The following HEPACAM variants were observed in gnomAD, a reference collection of about 807,000 sequenced individuals.
The protein encoded by HEPACAM is hepatocyte cell adhesion molecule.
Under a neutral mutation model 38.3 loss-of-function variants are expected in HEPACAM, and 18 were observed. The ratio of observed to expected loss-of-function variants is 0.47; its 90% CI spans 0.33 to 0.70. The LOEUF (loss-of-function observed/expected upper bound fraction) is 0.70. Among genes scored for constraint, HEPACAM ranks in the 30% least tolerant of loss-of-function variants. The probability of loss-of-function intolerance (pLI) is 0.03; values close to 1 mark genes in which losing one functional copy is unlikely to be tolerated. For synonymous variants in HEPACAM, 216 were observed against 243.1 expected (o/e 0.89, Z 1.04); for missense variants, 466 against 563.0 (o/e 0.83, Z 1.74).
Position 124,920,549 on chromosome 11 carries a change from G to A in HEPACAM, c.*589C>T. The A allele has an allele frequency of 2.9e-6, 4 of 1,378,350 alleles. No individual in the cohort carries two copies. Among genetic ancestry groups the A allele is most frequent in the South Asian group, 1.4e-5 (1 of 69,710 alleles). 85.4% of individuals were successfully genotyped at this position (1,378,350 alleles called of 1,614,324 possible). ...GGTCCCCAGGTACCAGGTGCCCAGGGAAGAAGGCCTTCACAATGATCCCCC... is the reference window on the plus strand; with the variant it reads ...GGTCCCCAGGTACCAGGTGCCCAGGAAAGAAGGCCTTCACAATGATCCCCC... On this transcript the variant is annotated 3_prime_UTR_variant, in exon 7 of 7. Transcript: ENST00000298251.
At chr11:124,923,592 T>C in intron 3 of HEPACAM, 137 bp downstream of exon 3, 2 of 1,194,886 alleles carry the variant, frequency 1.7e-6, no homozygotes, top group Non-Finnish European at 2.4e-6. Flanking sequence ...GGCTACCTGT[T>C]GGTGTCCTCC....
rs1482424354 is a variant in HEPACAM, at chr11:124,919,981, A to C, written c.*1157T>G. On this transcript the variant is annotated 3_prime_UTR_variant, in exon 7 of 7. Transcript: ENST00000298251. ...GGTGGCATGGGCATGTCCTGGCTAC[A>C]CAGCGGCCCAGCCTCTTTATTTTGA... The C allele has an allele frequency of 6.2e-7, 1 of 1,613,404 alleles. No homozygotes were observed. The highest frequency in any genetic ancestry group is 8.5e-7 in the Non-Finnish European group (1 of 1,180,042).
At chr11:124,922,937 T>G in intron 4 of HEPACAM, 119 bp from the exon 5 acceptor site, 1 of 1,002,068 alleles carries the variant, frequency 1.0e-6, no homozygotes, top group Non-Finnish European at 1.6e-6. Flanking sequence ...GAAGATGGGC[T>G]GGGTACAGTT....
chr11:124,927,349 C>CT (rs201026909), intron 1 of HEPACAM, among the ~76,000 whole-genome samples: 22,241 of 143,190 alleles, frequency 0.16, 1,967 homozygotes, highest in South Asian at 0.21. Context: ...TTAACTCTGA[C>CT]TTTTTTTTTT....
Position 124,920,921 on chromosome 11 carries a change from G to C in HEPACAM, c.*217C>G. On this transcript the variant is annotated 3_prime_UTR_variant, in exon 7 of 7. Transcript: ENST00000298251. The stretch of plus-strand genomic sequence containing the variant: ...AAGTGAGGACACAGCCAGTAAACCG[G>C]AAGCAAATGCGACCCGGTTTCACCA... 1 of 1,354,990 alleles carries C rather than the reference G, an allele frequency of 7.4e-7. No homozygotes were observed. The highest frequency in any genetic ancestry group is 9.5e-7 in the Non-Finnish European group (1 of 1,056,888). The allele number at this position is 1,354,990 out of a possible 1,614,324, so 83.9% of individuals were successfully genotyped here. A position where few individuals can be genotyped will look rare whatever the true frequency, so the allele number is the denominator to read the frequency against.
intron 1 of HEPACAM, among the ~76,000 whole-genome samples, chr11:124,929,471 G>A (rs1048066896): frequency 2.6e-5 from 4 of 152,160 alleles, no homozygotes; most frequent in African/African-American, 9.7e-5. Flanking sequence ...CAACTTTCAA[G>A]GGACACAGAG....
chr11:124,921,376 G>T lies in HEPACAM; in HGVS notation c.1013C>A (p.Pro338His). ...EPRSATEPGP[P>H]GYSVSPAVPG... ...CACGGCGGGAGACACGGAGTAGCCG[G>T]GCGGGCCGGGCTCCGTCGCGCTTCG... The change falls in exon 7 of 7, where the codon CCC becomes CAC. Residue 338 changes from proline to histidine, a missense_variant. Physicochemically the swap from Pro to His is moderately conservative, Grantham distance 77. Coordinates refer to ENST00000298251, the MANE Select transcript of HEPACAM (RefSeq NM_152722.5). This position sits in a 1 kb window ranked among gnomAD's most constrained non-coding sequence, Gnocchi z 4.6. The T allele has an allele frequency of 1.6e-6, 2 of 1,272,596 alleles. No individual in the cohort carries two copies. Among genetic ancestry groups the T allele is most frequent in the Non-Finnish European group, 9.9e-7 (1 of 1,012,300 alleles). 78.8% of individuals were successfully genotyped at this position (1,272,596 alleles called of 1,614,324 possible). A position where few individuals can be genotyped will look rare whatever the true frequency, so the allele number is the denominator to read the frequency against.
chr11:124,922,803 T>G lies in HEPACAM; in HGVS notation c.819A>C (p.Leu273=). The change falls in exon 5 of 7, where the codon CTA becomes CTC. Residue 273 remains leucine (L), a synonymous_variant. Coordinates refer to ENST00000298251, the MANE Select transcript of HEPACAM (RefSeq NM_152722.5). ...WKPSKRKQKK[L]EKQNSLEYMD... is the part of the protein sequence containing the mutation. ...TGTATTCCAGGGAGTTTTGCTTTTC[T>G]AGCTTCTTCTGTTTCCTGTGAATCA... The G allele has an allele frequency of 6.2e-7, 1 of 1,614,234 alleles. No individual in the cohort carries two copies. Among genetic ancestry groups the G allele is most frequent in the Non-Finnish European group, 8.5e-7 (1 of 1,180,034 alleles).
Position 124,921,165 on chromosome 11 carries a change from C to T in HEPACAM, c.1224G>A (p.Glu408=), listed in dbSNP as rs1449578307. 6 of 1,527,866 alleles carry T rather than the reference C, an allele frequency of 3.9e-6. No individual in the cohort carries two copies. Among genetic ancestry groups the T allele is most frequent in the South Asian group, 1.2e-5 (1 of 83,374 alleles). 94.6% of individuals were successfully genotyped at this position (1,527,866 alleles called of 1,614,324 possible). The change falls in exon 7 of 7, where the codon GAG becomes GAA. Residue 408 remains glutamate, a synonymous_variant. Coordinates refer to ENST00000298251, the MANE Select transcript of HEPACAM (RefSeq NM_152722.5). The surrounding 1 kb of genome is among the most constrained non-coding windows in gnomAD (Gnocchi z 4.6). ...AGVHIIREQD[E]AGPVEISA ...AGGCGCTGATCTCCACCGGGCCGGCCTCGTCTTGCTCGCGGATTATGTGCA... is the reference window on the plus strand; with the variant it reads ...AGGCGCTGATCTCCACCGGGCCGGCTTCGTCTTGCTCGCGGATTATGTGCA...
At chr11:124,926,253 C>T (rs140677660) in intron 1 of HEPACAM, among the ~76,000 whole-genome samples, 1 of 152,136 alleles carries the variant, frequency 6.6e-6, no homozygotes, top group South Asian at 2.1e-4. Flanking sequence ...ATCAAGTTCA[C>T]AGGATTGGAA....
intron 3 of HEPACAM, 108 bp from the exon 4 acceptor site, chr11:124,923,541 G>A (rs1031364694): frequency 2.7e-6 from 3 of 1,113,840 alleles, no homozygotes; most frequent in East Asian, 4.7e-5. Flanking sequence ...CAGGCTGCAT[G>A]CCTGGCTGAT....
rs1403090048 is a variant in HEPACAM at position 124,920,280 on chromosome 11, A to C, written c.*858T>G. 2 of 1,061,980 alleles carry C rather than the reference A, an allele frequency of 1.9e-6. No individual in the cohort carries two copies. Among genetic ancestry groups the C allele is most frequent in the Admixed American group, 2.6e-5 (1 of 39,080 alleles). 65.8% of individuals were successfully genotyped at this position (1,061,980 alleles called of 1,614,324 possible). On this transcript the variant is annotated 3_prime_UTR_variant, in exon 7 of 7. Coordinates refer to ENST00000298251, the MANE Select transcript of HEPACAM (RefSeq NM_152722.5). ...AGGAATATATGAGTTTGATGAGCTA[A>C]AACAGTTCCTCATTTGGTCTAGTTT...
chr11:124,920,950 C>G lies in HEPACAM; in HGVS notation c.*188G>C. The G allele has an allele frequency of 7.3e-7, 1 of 1,366,540 alleles. No individual in the cohort carries two copies. Among genetic ancestry groups the G allele is most frequent in the Non-Finnish European group, 9.4e-7 (1 of 1,063,700 alleles). The allele number at this position is 1,366,540 out of a possible 1,614,324, so 84.7% of individuals were successfully genotyped here. A position where few individuals can be genotyped will look rare whatever the true frequency, so the allele number is the denominator to read the frequency against. Reference sequence around the variant, plus strand: ...CAAATGCGACCCGGTTTCACCATATCAACACTGCCGCCTCCGCGCACCCGC... The same window carrying G: ...CAAATGCGACCCGGTTTCACCATATGAACACTGCCGCCTCCGCGCACCCGC... On this transcript the variant is annotated 3_prime_UTR_variant, in exon 7 of 7. Transcript: ENST00000298251.
chr11:124,934,800 AC>A (rs1361531349), intron 1 of HEPACAM, among the ~76,000 whole-genome samples: 1 of 151,796 alleles, frequency 6.6e-6, no homozygotes, highest in African/African-American at 2.4e-5. Context: ...CCCTCGAATG[AC>A]CCCCTGCAGA....
At chr11:124,923,637 C>T in intron 3 of HEPACAM, 92 bp downstream of exon 3, 1 of 1,499,682 alleles carries the variant, frequency 6.7e-7, no homozygotes, top group Non-Finnish European at 9.2e-7. Flanking sequence ...CCCCTCCCCC[C>T]AGTGACATTT....
rs539433968 is a variant in HEPACAM, at chr11:124,920,429, G to A, written c.*709C>T. 72 of 1,547,820 alleles carry A rather than the reference G, an allele frequency of 4.7e-5. No individual in the cohort carries two copies. Among genetic ancestry groups the A allele is most frequent in the Admixed American group, 4.5e-4 (23 of 50,882 alleles). On this transcript the variant is annotated 3_prime_UTR_variant, in exon 7 of 7. Coordinates refer to ENST00000298251, the MANE Select transcript of HEPACAM (RefSeq NM_152722.5). ...ATGCCTCCGAGGGAGGCTGTGGGAG[G>A]AGGCCAAGCTGGCAGGCTCGGGTTC...
At position 124,921,078 on chromosome 11, in the gene HEPACAM, G is replaced by T; in HGVS notation, c.*60C>A. ...GCCGCGCCCGGGCTTCCCAGCCCCA[G>T]CTTTCCCCCGGGCCACTGGCCGCAG... On this transcript the variant is annotated 3_prime_UTR_variant, in exon 7 of 7. Coordinates refer to ENST00000298251, the MANE Select transcript of HEPACAM (RefSeq NM_152722.5). The surrounding 1 kb of genome is among the most constrained non-coding windows in gnomAD (Gnocchi z 4.6). The T allele has an allele frequency of 6.6e-7, 1 of 1,505,886 alleles. No individual in the cohort carries two copies. Among genetic ancestry groups the T allele is most frequent in the Non-Finnish European group, 8.8e-7 (1 of 1,132,596 alleles). The allele number at this position is 1,505,886 out of a possible 1,614,324, so 93.3% of individuals were successfully genotyped here.
chr11:124,920,962 C>G lies in HEPACAM; in HGVS notation c.*176G>C. The G allele has an allele frequency of 1.5e-6, 2 of 1,367,222 alleles. No individual in the cohort carries two copies. Among genetic ancestry groups the G allele is most frequent in the South Asian group, 3.4e-5 (2 of 58,654 alleles). 84.7% of individuals were successfully genotyped at this position (1,367,222 alleles called of 1,614,324 possible). The stretch of plus-strand genomic sequence containing the variant: ...GGTTTCACCATATCAACACTGCCGC[C>G]TCCGCGCACCCGCCTCCGTCTGCGC... On this transcript the variant is annotated 3_prime_UTR_variant, in exon 7 of 7. Coordinates refer to ENST00000298251, the MANE Select transcript of HEPACAM (RefSeq NM_152722.5).
intron 1 of HEPACAM, among the ~76,000 whole-genome samples, chr11:124,932,877 T>A (rs1947294816): frequency 6.6e-6 from 1 of 152,226 alleles, no homozygotes; most frequent in South Asian, 2.1e-4. Context: ...TCAAAGTTGA[T>A]AGGGCTCCAT....
Sources: allele counts gnomAD v4.1 joint callset (sites outside exome capture counted in the v4.1 genomes callset), GRCh38; gene constraint gnomAD v4.1.1; non-coding constraint Gnocchi (gnomAD v3.1); transcripts MANE v1.5; gene names NCBI Gene and HGNC (gene_info 2026-07-23, HGNC 2026-07-21).